Variants in TMEM132D observed in about 807,000 individuals in gnomAD.
TMEM132D encodes mature OL transmembrane protein.
Under a neutral mutation model 62.3 loss-of-function variants are expected in TMEM132D, and 21 were observed. The observed-to-expected ratio is 0.34, with a 90% CI of 0.24 to 0.49. The LOEUF is 0.49. TMEM132D is among the 20% of genes least tolerant of loss of function. The probability of loss-of-function intolerance (pLI) is 0.99; values close to 1 mark genes in which losing one functional copy is unlikely to be tolerated. For synonymous variants in TMEM132D, 621 were observed against 575.6 expected, an observed-to-expected ratio of 1.08 and a Z score of -1.13; for missense variants, 1,346 against 1,402.8, an observed-to-expected ratio of 0.96 and a Z score of 0.65.
chr12:129,464,803 A>T (rs1286795341), intron 3 of TMEM132D, among the ~76,000 whole-genome samples: 2 of 152,052 alleles, frequency 1.3e-5, no homozygotes, highest in African/African-American at 4.8e-5. Flanking sequence ...GTTATATCTG[A>T]GGGCTCTGTT....
chr12:129,736,766 CATT>C (rs1317964676), intron 1 of TMEM132D, among the ~76,000 whole-genome samples: 2 of 149,746 alleles, frequency 1.3e-5, no homozygotes, highest in Non-Finnish European at 3.0e-5. Context: ...TTCAGAGGAA[CATT>C]ATTATATCTG....
At chr12:129,129,879 A>G (rs191016174) in intron 5 of TMEM132D, among the ~76,000 whole-genome samples, 13 of 152,186 alleles carry the variant, frequency 8.5e-5, no homozygotes, top group African/African-American at 2.2e-4. Context: ...CCTGTTCCCT[A>G]CAGCATTATT....
At chr12:129,429,654 T>C (rs1355078117) in intron 3 of TMEM132D, among the ~76,000 whole-genome samples, 1 of 151,396 alleles carries the variant, frequency 6.6e-6, no homozygotes, top group Non-Finnish European at 1.5e-5. Context: ...TACATATGTA[T>C]ACATGTGCCA....
chr12:129,669,627 C>A (rs911868667), intron 2 of TMEM132D, among the ~76,000 whole-genome samples: 5 of 152,048 alleles, frequency 3.3e-5, no homozygotes, highest in African/African-American at 9.7e-5. Flanking sequence ...ATCACTTGAA[C>A]CCAGGAGGCA....
At chr12:129,242,940 T>C (rs759521204) in intron 4 of TMEM132D, among the ~76,000 whole-genome samples, 11 of 91,678 alleles carry the variant, frequency 1.2e-4, no homozygotes, top group Non-Finnish European at 2.6e-4. Context: ...GCAGTATTTC[T>C]AAGCCAGAGG....
intron 2 of TMEM132D, among the ~76,000 whole-genome samples, chr12:129,611,227 C>T (rs1878766132): frequency 6.6e-6 from 1 of 152,096 alleles, no homozygotes; most frequent in Admixed American, 6.5e-5. Context: ...ACTGTAGTGT[C>T]TAGATTTTAC....
chr12:129,396,723 C>T, intron 3 of TMEM132D, among the ~76,000 whole-genome samples: 1 of 152,146 alleles, frequency 6.6e-6, no homozygotes, highest in Non-Finnish European at 1.5e-5. Flanking sequence ...ATGATTCTTT[C>T]TTAAAGCACC....
At chr12:129,809,594 C>T (rs747111768) in intron 1 of TMEM132D, among the ~76,000 whole-genome samples, 28 of 152,114 alleles carry the variant, frequency 1.8e-4, no homozygotes, top group Non-Finnish European at 3.8e-4. Flanking sequence ...ATTATCAAGT[C>T]CTTTGTTTTT....
intron 4 of TMEM132D, among the ~76,000 whole-genome samples, chr12:129,272,952 T>C (rs750424239): frequency 6.6e-5 from 10 of 151,778 alleles, no homozygotes; most frequent in Non-Finnish European, 1.3e-4. Flanking sequence ...TCCCAGCACT[T>C]TGGGAGGCCA....
At chr12:129,167,056 A>G (rs112668629) in intron 5 of TMEM132D, among the ~76,000 whole-genome samples, 5,481 of 151,592 alleles carry the variant, frequency 0.036, 345 homozygotes, top group African/African-American at 0.13. Context: ...GATACTTTGG[A>G]GGCTGAGGTG....
chr12:129,585,159 G>A (rs1877988517), intron 2 of TMEM132D, among the ~76,000 whole-genome samples: 1 of 152,158 alleles, frequency 6.6e-6, no homozygotes, highest in Non-Finnish European at 1.5e-5. Flanking sequence ...GAGAGGCAAT[G>A]GCATTTCATC....
intron 1 of TMEM132D, among the ~76,000 whole-genome samples, chr12:129,842,413 G>A (rs1410694212): frequency 1.3e-5 from 2 of 151,928 alleles, no homozygotes; most frequent in South Asian, 2.1e-4. Context: ...TCTTTCCGAT[G>A]TCTTGCCAAT....
At chr12:129,739,369 T>G (rs1337506414) in intron 1 of TMEM132D, among the ~76,000 whole-genome samples, 1 of 152,020 alleles carries the variant, frequency 6.6e-6, no homozygotes, top group African/African-American at 2.4e-5. Context: ...GGCGAGGGGA[T>G]GGAGGGAGCT....
intron 2 of TMEM132D, among the ~76,000 whole-genome samples, chr12:129,606,734 T>G (rs1878635112): frequency 6.6e-6 from 1 of 152,112 alleles, no homozygotes; most frequent in African/African-American, 2.4e-5. Flanking sequence ...CCCACTTGGG[T>G]AGAAAGTGGG....
At chr12:129,194,278 C>A (rs1177449017) in intron 5 of TMEM132D, among the ~76,000 whole-genome samples, 1 of 152,228 alleles carries the variant, frequency 6.6e-6, no homozygotes, top group Non-Finnish European at 1.5e-5. Context: ...AACCCTGCAG[C>A]TATTCTCACC....
intron 2 of TMEM132D, among the ~76,000 whole-genome samples, chr12:129,567,936 T>C (rs1037099531): frequency 7.2e-5 from 11 of 152,214 alleles, no homozygotes; most frequent in African/African-American, 2.7e-4. Context: ...CCCATATGTC[T>C]TGATGTCTGA....
intron 4 of TMEM132D, among the ~76,000 whole-genome samples, chr12:129,294,230 A>G (rs1027885143): frequency 6.6e-6 from 1 of 152,176 alleles, no homozygotes; most frequent in Non-Finnish European, 1.5e-5. Flanking sequence ...AATACGAATG[A>G]TGGGTATTGG....
chr12:129,543,794 G>A (rs748787732), intron 2 of TMEM132D, among the ~76,000 whole-genome samples: 3 of 152,144 alleles, frequency 2.0e-5, no homozygotes, highest in Non-Finnish European at 2.9e-5. Flanking sequence ...GGAATGTATC[G>A]ATGTAAAGCA....
intron 2 of TMEM132D, among the ~76,000 whole-genome samples, chr12:129,612,782 T>C (rs998076277): frequency 2.0e-5 from 3 of 152,100 alleles, no homozygotes; most frequent in Non-Finnish European, 2.9e-5. Flanking sequence ...ATCAAAGACC[T>C]GGGCTTTTTG....
Sources: gnomAD v4.1 joint callset for allele counts (sites outside exome capture counted in the v4.1 genomes callset) on GRCh38, gnomAD v4.1.1 for gene constraint, MANE v1.5 for transcripts, NCBI Gene and HGNC (gene_info 2026-07-23, HGNC 2026-07-21) for gene names.